Variants in NFIB observed in about 807,000 individuals in gnomAD.
NFIB encodes nuclear factor I B, also known as nuclear factor 1 B-type.
A neutral mutation model predicts 61.5 loss-of-function variants in NFIB; 11 were observed. The observed-to-expected ratio is 0.18, with a 90% CI of 0.11 to 0.30. The LOEUF is 0.30. Ranked by LOEUF, NFIB falls within the 10% of genes least tolerant of loss-of-function variation. The probability of loss-of-function intolerance (pLI) is 1.00; values close to 1 mark genes in which losing one functional copy is unlikely to be tolerated. For synonymous variants in NFIB, 260 were observed against 216.5 expected, an observed-to-expected ratio of 1.20 and a Z score of -1.76; for missense variants, 471 against 608.9, an observed-to-expected ratio of 0.77 and a Z score of 2.38.
chr9:14,252,962 G>A (rs1587940374), intron 2 of NFIB, among the ~76,000 whole-genome samples: 1 of 124,234 alleles, frequency 8.0e-6, no homozygotes, highest in Admixed American at 9.4e-5. Flanking sequence ...AGGGAGGAAG[G>A]AAGGAAGGGA....
chr9:14,452,496 G>A, the NFIB span, among the ~76,000 whole-genome samples: 68,242 of 133,834 alleles, frequency 0.51, 20,144 homozygotes, highest in African/African-American at 0.73. Flanking sequence ...GGAAAGGAAA[G>A]GAAAGGAAAG....
At chr9:14,145,647 A>G (rs2042196660) in intron 6 of NFIB, among the ~76,000 whole-genome samples, 1 of 134,652 alleles carries the variant, frequency 7.4e-6, no homozygotes, top group Admixed American at 7.9e-5. Flanking sequence ...CCTTTCTTTT[A>G]GACTTTTTTT....
At chr9:14,192,958 T>G (rs557739623) in intron 2 of NFIB, among the ~76,000 whole-genome samples, 2 of 152,156 alleles carry the variant, frequency 1.3e-5, no homozygotes, top group African/African-American at 4.8e-5. Flanking sequence ...TTAAGCAGTA[T>G]TAGACAAATA....
At chr9:14,219,899 C>T (rs2051428019) in intron 2 of NFIB, among the ~76,000 whole-genome samples, 1 of 152,198 alleles carries the variant, frequency 6.6e-6, no homozygotes, top group African/African-American at 2.4e-5. Flanking sequence ...TCAGAATCTA[C>T]ACTGGGACTC....
intron 2 of NFIB, among the ~76,000 whole-genome samples, chr9:14,225,295 T>C (rs1587741197): frequency 6.6e-6 from 1 of 151,614 alleles, no homozygotes; most frequent in South Asian, 2.1e-4. Context: ...TATTGTTTGG[T>C]ACTAGGTTCA....
intron 2 of NFIB, among the ~76,000 whole-genome samples, chr9:14,209,233 T>C (rs1173489888): frequency 6.6e-6 from 1 of 152,214 alleles, no homozygotes; most frequent in Non-Finnish European, 1.5e-5. Context: ...GAATAATTGC[T>C]CGTTTCCAAT....
At chr9:14,416,891 A>AGTTTTTT in the NFIB span, among the ~76,000 whole-genome samples, 16 of 112,182 alleles carry the variant, frequency 1.4e-4, 1 homozygote, top group African/African-American at 8.7e-4. Context: ...TACTATTTTT[A>AGTTTTTT]CTTTTTTTTT....
intron 1 of NFIB, among the ~76,000 whole-genome samples, chr9:14,326,453 CA>C (rs990836653): frequency 1.3e-4 from 20 of 152,280 alleles, no homozygotes; most frequent in African/African-American, 4.6e-4. Context: ...TATACACATG[CA>C]GTGTTCCTTC....
At chr9:14,433,047 G>A in the NFIB span, among the ~76,000 whole-genome samples, 143 of 152,100 alleles carry the variant, frequency 9.4e-4, no homozygotes, top group African/African-American at 3.3e-3. Flanking sequence ...CAGGGGTTAG[G>A]GGCATTAAAA....
At position 14,174,610 on chromosome 9, in the gene NFIB, A is replaced by G. The variant is rs532968466; in HGVS notation, c.616+5117T>C. Among the ~76,000 whole-genome samples the G allele has an allele frequency of 2.0e-4, 30 of 152,046 alleles. 1 individual carries two copies. In the South Asian group the frequency reaches 5.8e-3, roughly 30 times the overall value. On this transcript the variant is annotated intron_variant, in intron 3 of 10. Transcript: ENST00000380953. Reference sequence around the variant, plus strand: ...GTGAAACCCCATCTCTACTAAAAATAGAAAAAATTAGCCAGGCACGGTAGC... The same window carrying G: ...GTGAAACCCCATCTCTACTAAAAATGGAAAAAATTAGCCAGGCACGGTAGC...
intron 1 of NFIB, among the ~76,000 whole-genome samples, chr9:14,338,335 A>G (rs1396127396): frequency 6.6e-6 from 1 of 152,140 alleles, no homozygotes; most frequent in Non-Finnish European, 1.5e-5. Flanking sequence ...CGGAGGTTGC[A>G]GTGAGCAGAG....
intron 5 of NFIB, among the ~76,000 whole-genome samples, chr9:14,149,431 G>A (rs528377995): frequency 6.6e-6 from 1 of 151,978 alleles, no homozygotes; most frequent in African/African-American, 2.4e-5. Flanking sequence ...GAATGAGATG[G>A]GTCTTGAAGA....
At chr9:14,374,487 T>C (rs1276947634) in intron 1 of NFIB, among the ~76,000 whole-genome samples, 2 of 152,220 alleles carry the variant, frequency 1.3e-5, no homozygotes, top group African/African-American at 4.8e-5. Flanking sequence ...AAATGATTAT[T>C]AATTGAGGTT....
intron 2 of NFIB, among the ~76,000 whole-genome samples, chr9:14,293,940 A>T (rs1378805265): frequency 6.6e-6 from 1 of 152,242 alleles, no homozygotes; most frequent in Non-Finnish European, 1.5e-5. Flanking sequence ...TCCGTATTTT[A>T]TCAGTACTTG....
chr9:14,238,318 C>A (rs1021740180), intron 2 of NFIB, among the ~76,000 whole-genome samples: 9 of 151,982 alleles, frequency 5.9e-5, no homozygotes, highest in African/African-American at 2.2e-4. Context: ...TCACACAGCA[C>A]CTGGAAGTCA....
At chr9:14,413,805 A>G in the NFIB span, among the ~76,000 whole-genome samples, 1 of 152,196 alleles carries the variant, frequency 6.6e-6, no homozygotes. Flanking sequence ...TGGTCCATCC[A>G]TTGACCATGT....
At chr9:14,406,119 G>C in the NFIB span, among the ~76,000 whole-genome samples, 1 of 152,172 alleles carries the variant, frequency 6.6e-6, no homozygotes, top group Non-Finnish European at 1.5e-5. Flanking sequence ...AAAGGACAAA[G>C]AAGAAACTTT....
In NFIB at chr9:14,307,026, C is replaced by G. The variant is rs781472616; in HGVS notation, c.525G>C (p.Glu175Asp). Residue 175 changes from glutamate (E) to aspartate (D), a missense_variant, in exon 2 of 11, where the codon GAG (glutamate) becomes GAC (aspartate). Glu to Asp is a conservative substitution (Grantham distance 45). This residue lies in a region of NFIB where 372 missense variants were observed against 395.6 expected (regional missense o/e 0.94). Coordinates refer to ENST00000380953, the MANE Select transcript of NFIB (RefSeq NM_001190737.2). This position sits in a 1 kb window ranked among gnomAD's most constrained non-coding sequence, Gnocchi z 5.3. ...CGTAGTATGCCAAAAACAAATCAAG[C>G]TCCTTAACTGATACTGTGATATGAT... The part of the protein sequence containing the change: ...QPHHITVSVK[E>D]LDLFLAYYVQ... 6 of 1,614,046 alleles carry G rather than the reference C, an allele frequency of 3.7e-6. No homozygotes were observed. Among genetic ancestry groups the G allele is most frequent in the Non-Finnish European group, 5.1e-6 (6 of 1,180,040 alleles).
At chr9:14,469,947 A>C in the NFIB span, among the ~76,000 whole-genome samples, 4 of 152,226 alleles carry the variant, frequency 2.6e-5, no homozygotes, top group Non-Finnish European at 5.9e-5. Flanking sequence ...TGTTGTGGTT[A>C]AATAATTACA....
Sources: allele counts gnomAD v4.1 joint callset (sites outside exome capture counted in the v4.1 genomes callset), GRCh38; gene constraint gnomAD v4.1.1; regional missense constraint gnomAD v4.1.1; non-coding constraint Gnocchi (gnomAD v3.1); transcripts MANE v1.5; gene names NCBI Gene and HGNC (gene_info 2026-07-23, HGNC 2026-07-21).